KHDRBS2: variants seen among roughly 807,000 people sequenced by gnomAD.
KHDRBS2 encodes KH RNA binding domain containing, signal transduction associated 2.
A neutral mutation model predicts 44.3 loss-of-function variants in KHDRBS2; 26 were observed. The ratio of observed to expected loss-of-function variants is 0.59; its 90% CI spans 0.43 to 0.81. KHDRBS2 has a LOEUF of 0.81. Ranked by LOEUF, KHDRBS2 falls within the 40% of genes least tolerant of loss-of-function variation. The probability of loss-of-function intolerance (pLI) is 0.00; values close to 1 mark genes in which losing one functional copy is unlikely to be tolerated. For missense variants in KHDRBS2, 476 were observed against 433.1 expected, an observed-to-expected ratio of 1.10 and a Z score of -0.88; for synonymous variants, 194 against 151.1, an observed-to-expected ratio of 1.28 and a Z score of -2.08.
chr6:61,559,886 G>C, the KHDRBS2 span, among the ~76,000 whole-genome samples: 1 of 152,006 alleles, frequency 6.6e-6, no homozygotes, highest in African/African-American at 2.4e-5. Context: ...TTGTTTTTCT[G>C]TGTTTACAGT....
chr6:61,973,640 C>T (rs192839402), intron 4 of KHDRBS2, among the ~76,000 whole-genome samples: 2 of 152,224 alleles, frequency 1.3e-5, no homozygotes, highest in East Asian at 3.9e-4. Context: ...CTTAAATTGA[C>T]TTAAAATCTT....
chr6:62,219,277 AT>A (rs1231470992), intron 1 of KHDRBS2, among the ~76,000 whole-genome samples: 1 of 151,986 alleles, frequency 6.6e-6, no homozygotes, highest in East Asian at 1.9e-4. Context: ...AATATATATG[AT>A]TATAAGAGAT....
intron 2 of KHDRBS2, among the ~76,000 whole-genome samples, chr6:62,101,100 A>G (rs980446924): frequency 1.3e-5 from 2 of 152,224 alleles, no homozygotes; most frequent in Non-Finnish European, 2.9e-5. Context: ...CCTTGAGTTT[A>G]AAATGTTCAG....
intron 4 of KHDRBS2, among the ~76,000 whole-genome samples, chr6:61,968,219 T>C (rs1306428890): frequency 6.6e-6 from 1 of 151,948 alleles, no homozygotes; most frequent in Non-Finnish European, 1.5e-5. Flanking sequence ...CATTGCACTA[T>C]TAACCATTCT....
chr6:62,157,621 C>T (rs2150109812), intron 2 of KHDRBS2, among the ~76,000 whole-genome samples: 1 of 152,092 alleles, frequency 6.6e-6, no homozygotes, highest in African/African-American at 2.4e-5. Context: ...AGTCAGAGGT[C>T]TAATACATAA....
At chr6:62,173,540 C>T (rs1201005440) in intron 2 of KHDRBS2, among the ~76,000 whole-genome samples, 1 of 151,760 alleles carries the variant, frequency 6.6e-6, no homozygotes, top group African/African-American at 2.4e-5. Context: ...CCTACTGAAA[C>T]TATTCCAAAC....
intron 6 of KHDRBS2, among the ~76,000 whole-genome samples, chr6:61,857,277 T>A (rs1446570995): frequency 6.6e-6 from 1 of 152,096 alleles, no homozygotes. Context: ...TTTCAAAATA[T>A]AACTTTCACT....
intron 8 of KHDRBS2, 23 bp downstream of exon 8, chr6:61,697,171 GT>G: frequency 6.7e-7 from 1 of 1,488,910 alleles, no homozygotes; most frequent in Non-Finnish European, 9.4e-7. Context: ...CGATTTCACA[GT>G]TTTAGTAAAG....
chr6:61,599,976 G>T, the KHDRBS2 span, among the ~76,000 whole-genome samples: 1 of 152,162 alleles, frequency 6.6e-6, no homozygotes, highest in East Asian at 1.9e-4. Flanking sequence ...ACTATTTCTG[G>T]AAGGAAAAGA....
At chr6:62,121,364 C>A (rs1201052861) in intron 2 of KHDRBS2, among the ~76,000 whole-genome samples, 1 of 152,226 alleles carries the variant, frequency 6.6e-6, no homozygotes, top group Non-Finnish European at 1.5e-5. Flanking sequence ...GTGATTCCCA[C>A]CACATCCCTG....
intron 1 of KHDRBS2, among the ~76,000 whole-genome samples, chr6:62,213,143 G>T (rs899773814): frequency 1.3e-5 from 2 of 152,098 alleles, no homozygotes; most frequent in African/African-American, 4.8e-5. Context: ...ATTTTAATCC[G>T]TTCATAATAG....
chr6:61,910,899 A>C (rs1805934349), intron 4 of KHDRBS2, among the ~76,000 whole-genome samples: 1 of 152,248 alleles, frequency 6.6e-6, no homozygotes, highest in East Asian at 1.9e-4. Context: ...TTGGCAAATT[A>C]TTGTACACAT....
At chr6:61,835,738 T>C (rs1298084180) in intron 6 of KHDRBS2, among the ~76,000 whole-genome samples, 1 of 150,422 alleles carries the variant, frequency 6.6e-6, no homozygotes, top group Non-Finnish European at 1.5e-5. Context: ...TGTGTGTGTG[T>C]GCATGAGAGA....
intron 2 of KHDRBS2, among the ~76,000 whole-genome samples, chr6:62,161,528 C>A (rs189232251): frequency 7.9e-6 from 1 of 126,068 alleles, no homozygotes; most frequent in East Asian, 2.4e-4. Context: ...AAATACTAGG[C>A]CATTTTAAAT....
intron 3 of KHDRBS2, among the ~76,000 whole-genome samples, chr6:61,993,382 T>C (rs1354851649): frequency 6.6e-6 from 1 of 151,956 alleles, no homozygotes; most frequent in African/African-American, 2.4e-5. Context: ...ATTGAGATGC[T>C]ACATAAACAG....
intron 1 of KHDRBS2, among the ~76,000 whole-genome samples, chr6:62,213,657 A>C (rs920974853): frequency 7.2e-5 from 11 of 151,752 alleles, no homozygotes; most frequent in Non-Finnish European, 1.3e-4. Flanking sequence ...GTCGGATCAC[A>C]AGGTCAGGAG....
At chr6:61,769,332 C>T (rs181347632) in intron 6 of KHDRBS2, among the ~76,000 whole-genome samples, 33 of 152,196 alleles carry the variant, frequency 2.2e-4, no homozygotes, top group South Asian at 1.0e-3. Flanking sequence ...GTGGGTGCAG[C>T]GCACTGTGCA....
intron 2 of KHDRBS2, among the ~76,000 whole-genome samples, chr6:62,086,346 T>A (rs1358666101): frequency 1.3e-5 from 2 of 152,088 alleles, no homozygotes; most frequent in Non-Finnish European, 2.9e-5. Flanking sequence ...CAGGAAGGGG[T>A]AGAAAGACTT....
chr6:61,624,557 A>G, the KHDRBS2 span, among the ~76,000 whole-genome samples: 5 of 152,204 alleles, frequency 3.3e-5, no homozygotes, highest in Non-Finnish European at 7.3e-5. Context: ...ACAGACATGG[A>G]ATCTGTAACA....
Sources: allele counts gnomAD v4.1 joint callset (sites outside exome capture counted in the v4.1 genomes callset), GRCh38; gene constraint gnomAD v4.1.1; transcripts MANE v1.5; gene names NCBI Gene and HGNC (gene_info 2026-07-23, HGNC 2026-07-21).